Variants in CACNG2 observed in about 807,000 individuals in gnomAD.
CACNG2 encodes calcium voltage-gated channel auxiliary subunit gamma 2.
In CACNG2, 3 loss-of-function variants were observed where a neutral mutation model predicts 25.9. That is an observed-to-expected ratio of 0.12 (90% CI 0.05 to 0.30). The LOEUF is 0.30. Ranked by LOEUF, CACNG2 falls within the 10% of genes least tolerant of loss-of-function variation. The pLI is 1.00. For synonymous variants in CACNG2, 167 were observed against 173.3 expected (o/e 0.96, Z 0.29); for missense variants, 341 against 432.5 (o/e 0.79, Z 1.88).
At chr22:36,697,960 C>T (rs565582695) in intron 1 of CACNG2, among the ~76,000 whole-genome samples, 8 of 152,022 alleles carry the variant, frequency 5.3e-5, no homozygotes, top group African/African-American at 1.9e-4. Flanking sequence ...TTTTCTTTAC[C>T]TTTCCTTGAA....
intron 1 of CACNG2, among the ~76,000 whole-genome samples, chr22:36,639,409 G>A (rs533711059): frequency 7.2e-5 from 11 of 152,288 alleles, no homozygotes; most frequent in Middle Eastern, 3.4e-3. Context: ...AGGGGAAAGC[G>A]TTTTGGGTAG....
rs543522246 is a variant in CACNG2 at position 36,606,307 on chromosome 22, A to G, written c.212-18759T>C. Among the ~76,000 whole-genome samples, 58 of 152,356 alleles carry G rather than the reference A, an allele frequency of 3.8e-4. No homozygotes were observed. The highest frequency in any genetic ancestry group is 3.4e-3 in the Middle Eastern group (1 of 294). On this transcript the variant is annotated intron_variant, in intron 1 of 3. Transcript: ENST00000300105. The surrounding 1 kb of genome is among the most constrained non-coding windows in gnomAD (Gnocchi z 5.7). ...GGCTGGTCGCCGGGAACAAGCTGCC[A>G]TGAGCCAGGCATGGGGCCAAGCACT...
At chr22:36,632,710 G>T (rs552532246) in intron 1 of CACNG2, among the ~76,000 whole-genome samples, 1 of 151,850 alleles carries the variant, frequency 6.6e-6, no homozygotes, top group Non-Finnish European at 1.5e-5. Context: ...GCACCCCCTC[G>T]CTTGGTTCTC....
intron 1 of CACNG2, among the ~76,000 whole-genome samples, chr22:36,616,630 T>A (rs1041053234): frequency 6.6e-6 from 1 of 152,064 alleles, no homozygotes; most frequent in Non-Finnish European, 1.5e-5. Context: ...CTGTATGGTA[T>A]GAAGCAGGGG....
intron 1 of CACNG2, among the ~76,000 whole-genome samples, chr22:36,659,389 G>T (rs16997112): frequency 0.1 from 15,660 of 152,088 alleles, 2,671 homozygotes; most frequent in African/African-American, 0.36. Context: ...AGGAAGGAGT[G>T]TGTTAACCAG....
intron 2 of CACNG2, among the ~76,000 whole-genome samples, chr22:36,578,357 C>CAAAA (rs3076266): frequency 1.1e-4 from 14 of 130,088 alleles, no homozygotes; most frequent in African/African-American, 2.6e-4. Flanking sequence ...GACTCAATCT[C>CAAAA]AAAAAAAAAA....
chr22:36,596,497 G>A (rs1299140575), intron 1 of CACNG2, among the ~76,000 whole-genome samples: 1 of 152,128 alleles, frequency 6.6e-6, no homozygotes, highest in Non-Finnish European at 1.5e-5. Flanking sequence ...GGGAAGGAGG[G>A]AGGGGAGGAA....
chr22:36,564,655 A>G lies in CACNG2; in HGVS notation c.668T>C (p.Ile223Thr). The change falls in exon 4 of 4, where the codon ATC becomes ACC. Residue 223 changes from isoleucine (I) to threonine (T), a missense_variant. Physicochemically the swap from Ile to Thr is moderately conservative, Grantham distance 89. Transcript: ENST00000300105. This position sits in a 1 kb window ranked among gnomAD's most constrained non-coding sequence, Gnocchi z 6.7. ...RATDYLQASAITRIPSYRYRY... is the reference protein window; with the variant it reads ...RATDYLQASATTRIPSYRYRY... The stretch of plus-strand genomic sequence containing the variant: ...GTAGCGGTAGCTGGGGATGCGGGTG[A>G]TGGCAGAGGCCTGGAGGTAGTCCGT... 6.2e-7 allele frequency: 1 copy of G among 1,613,806 alleles called. No individual in the cohort carries two copies. The highest frequency in any genetic ancestry group is 1.1e-5 in the South Asian group (1 of 91,064).
At chr22:36,664,836 T>A (rs1053849465) in intron 1 of CACNG2, among the ~76,000 whole-genome samples, 3 of 152,202 alleles carry the variant, frequency 2.0e-5, no homozygotes, top group African/African-American at 7.2e-5. Flanking sequence ...GAGAGGAATT[T>A]CCAGGGAGAA....
intron 1 of CACNG2, among the ~76,000 whole-genome samples, chr22:36,611,989 T>A (rs1332076422): frequency 6.6e-6 from 1 of 152,156 alleles, no homozygotes; most frequent in Non-Finnish European, 1.5e-5. Flanking sequence ...TGTCAAAACA[T>A]GGTTGTGAAG....
chr22:36,670,306 G>C (rs1465489537), intron 1 of CACNG2, among the ~76,000 whole-genome samples: 11 of 152,138 alleles, frequency 7.2e-5, no homozygotes, highest in Non-Finnish European at 1.2e-4. Flanking sequence ...CATCATCCCA[G>C]CTTTTGGGAC....
At chr22:36,641,132 C>G (rs1227962690) in intron 1 of CACNG2, among the ~76,000 whole-genome samples, 1 of 152,196 alleles carries the variant, frequency 6.6e-6, no homozygotes, top group Non-Finnish European at 1.5e-5. Flanking sequence ...CTACAGCATC[C>G]CTTTCTGTCA....
At chr22:36,572,390 A>G (rs1935247018) in intron 2 of CACNG2, among the ~76,000 whole-genome samples, 1 of 152,226 alleles carries the variant, frequency 6.6e-6, no homozygotes, top group African/African-American at 2.4e-5. Flanking sequence ...GCACATAAAC[A>G]GCCATAAACA....
intron 1 of CACNG2, among the ~76,000 whole-genome samples, chr22:36,653,006 G>A (rs1936642874): frequency 6.6e-6 from 1 of 151,970 alleles, no homozygotes. Context: ...AAGCAGAATT[G>A]GCCTACATAT....
intron 1 of CACNG2, among the ~76,000 whole-genome samples, chr22:36,695,997 T>C (rs1332926403): frequency 1.3e-5 from 2 of 152,324 alleles, no homozygotes; most frequent in East Asian, 3.9e-4. Context: ...TGAATATGGG[T>C]TTTTGACCAA....
intron 1 of CACNG2, among the ~76,000 whole-genome samples, chr22:36,608,345 C>T (rs1430578584): frequency 6.6e-6 from 1 of 152,202 alleles, no homozygotes; most frequent in African/African-American, 2.4e-5. Context: ...CACAGGCTAC[C>T]CCATGACATC....
chr22:36,579,925 C>T (rs1935384935), intron 2 of CACNG2, among the ~76,000 whole-genome samples: 2 of 152,256 alleles, frequency 1.3e-5, no homozygotes, highest in African/African-American at 2.4e-5. Context: ...TCTCTCCTCC[C>T]TGTTTCCTCT....
intron 1 of CACNG2, among the ~76,000 whole-genome samples, chr22:36,641,954 T>A (rs1936447840): frequency 6.6e-6 from 1 of 152,190 alleles, no homozygotes; most frequent in Non-Finnish European, 1.5e-5. Flanking sequence ...CAATGTGAGA[T>A]CCTTCTAACA....
intron 1 of CACNG2, among the ~76,000 whole-genome samples, chr22:36,619,284 A>G (rs182452722): frequency 1.4e-4 from 21 of 152,360 alleles, no homozygotes; most frequent in Middle Eastern, 3.4e-3. Context: ...ATGGCACCGC[A>G]GGATGACAGA....
Sources: gnomAD v4.1 joint callset for allele counts (sites outside exome capture counted in the v4.1 genomes callset) on GRCh38, gnomAD v4.1.1 for gene constraint, Gnocchi (gnomAD v3.1) non-coding constraint, MANE v1.5 for transcripts, NCBI Gene and HGNC (gene_info 2026-07-23, HGNC 2026-07-21) for gene names.